DBH: variants seen among roughly 807,000 people sequenced by gnomAD.
DBH encodes dopamine beta-hydroxylase, also known as dopamine beta-hydroxylase (dopamine beta-monooxygenase).
In DBH, 49 loss-of-function variants were observed where a neutral mutation model predicts 64.0. The observed-to-expected ratio is 0.77, with a 90% confidence interval of 0.61 to 0.97. The LOEUF (loss-of-function observed/expected upper bound fraction) is 0.97. DBH is among the 50% of genes least tolerant of loss of function. DBH has a pLI of 0.00. For missense variants in DBH, 828 were observed against 826.6 expected (o/e 1.00, Z -0.02); for synonymous variants, 343 against 347.1 (o/e 0.99, Z 0.13).
At chr9:133,637,166 T>A (rs1221667197) in intron 1 of DBH, among the ~76,000 whole-genome samples, 1 of 152,204 alleles carries the variant, frequency 6.6e-6, no homozygotes, top group African/African-American at 2.4e-5. Flanking sequence ...TGCACACCCA[T>A]GGGATCCAGC....
chr9:133,644,769 G>T (rs1416527476), intron 5 of DBH, among the ~76,000 whole-genome samples: 1 of 152,174 alleles, frequency 6.6e-6, no homozygotes, highest in Non-Finnish European at 1.5e-5. Context: ...GTGCAGGGAC[G>T]GGAAGGGGAG....
At chr9:133,654,484 G>T (rs565842000) in intron 9 of DBH, 1 of 152,352 alleles carries the variant, frequency 6.6e-6, no homozygotes, top group East Asian at 1.9e-4. Context: ...TTGACCCAGG[G>T]TCTTGTGCCT....
rs1611126 is a variant in DBH at position 133,644,326 on chromosome 9, C to T, written c.1024+6C>T. 99 of 1,610,260 alleles carry T rather than the reference C, an allele frequency of 6.1e-5. No individual in the cohort carries two copies. In the Admixed American group the frequency reaches 7.5e-4, roughly 12 times the overall value. On this transcript the variant is annotated splice_donor_region_variant and intron_variant, in intron 5 of 11. Transcript: ENST00000393056. ...CAACCCACTGGTGATAGAAGGTAGG[C>T]GGCTCTGCTGCCATCCTCCTCAGAA...
In DBH at chr9:133,639,226, CAAAAA is replaced by C. The variant is rs60989647; in HGVS notation, c.340-605_340-601del. ...TAGGCAACATAGCGAGACCCTATCTCAAAAAAAAAAAAAAAAAAATCCAAAATTAC... is the reference window on the plus strand; with the variant it reads ...TAGGCAACATAGCGAGACCCTATCTCAAAAAAAAAAAAAATCCAAAATTAC... On this transcript the variant is annotated intron_variant, in intron 1 of 11. Coordinates refer to ENST00000393056, the MANE Select transcript of DBH (RefSeq NM_000787.4). Among the ~76,000 whole-genome samples, 1,311 of 132,038 alleles carry C rather than the reference CAAAAA, an allele frequency of 9.9e-3. 28 individuals carry two copies. Among genetic ancestry groups the C allele is most frequent in the African/African-American group, 0.034 (1,229 of 36,418 alleles). The allele number at this position is 132,038 out of a possible 152,430, so 86.6% of individuals were successfully genotyped here. A position where few individuals can be genotyped will look rare whatever the true frequency, so the allele number is the denominator to read the frequency against.
chr9:133,641,722 G>T (rs1234362790), intron 2 of DBH, among the ~76,000 whole-genome samples: 1 of 152,186 alleles, frequency 6.6e-6, no homozygotes, highest in Non-Finnish European at 1.5e-5. Flanking sequence ...CTGCCAAGCT[G>T]GTGGTGACTA....
Position 133,643,867 on chromosome 9 carries a change from T to C in DBH, c.921+278T>C, listed in dbSNP as rs916224778. 5.3e-5 allele frequency among the ~76,000 whole-genome samples: 8 copies of C among 152,154 alleles called. No individual in the cohort carries two copies. The highest frequency in any genetic ancestry group is 1.9e-4 in the African/African-American group (8 of 41,422). On this transcript the variant is annotated intron_variant, in intron 4 of 11. Coordinates refer to ENST00000393056, the MANE Select transcript of DBH (RefSeq NM_000787.4). The surrounding 1 kb of genome is among the most constrained non-coding windows in gnomAD (Gnocchi z 5.3). ...CTGTTTCCCAACTGGAGTCAGGGTT[T>C]TGTGTACAGGTGGTCCCAGGGCTGG... is the stretch of plus-strand genomic sequence containing the variant.
chr9:133,643,658 C>A lies in DBH; in HGVS notation c.921+69C>A. 6.4e-7 allele frequency: 1 copy of A among 1,563,752 alleles called. No homozygotes were observed. The highest frequency in any genetic ancestry group is 8.7e-7 in the Non-Finnish European group (1 of 1,143,746). ...CCTGGCATCCCCACACCTCTGTTTCCCCAGCTTCACCGTCTCAGAGGCTTC... is the reference window on the plus strand; with the variant it reads ...CCTGGCATCCCCACACCTCTGTTTCACCAGCTTCACCGTCTCAGAGGCTTC... On this transcript the variant is annotated intron_variant, in intron 4 of 11. Coordinates refer to ENST00000393056, the MANE Select transcript of DBH (RefSeq NM_000787.4). The surrounding 1 kb of genome is among the most constrained non-coding windows in gnomAD (Gnocchi z 5.3).
At chr9:133,651,829 G>A (rs775263228) in intron 7 of DBH, 52 bp downstream of exon 7, 56 of 1,259,168 alleles carry the variant, frequency 4.4e-5, no homozygotes, top group Middle Eastern at 3.1e-4. Flanking sequence ...GCCACCACAC[G>A]ACCTCCTGGG....
At chr9:133,657,284 C>G in intron 11 of DBH, 55 bp downstream of exon 11, 1 of 1,606,358 alleles carries the variant, frequency 6.2e-7, no homozygotes, top group Admixed American at 1.7e-5. Context: ...TCATGGGGGG[C>G]CCCAGTGAGG....
intron 5 of DBH, among the ~76,000 whole-genome samples, chr9:133,646,660 A>AT (rs1832185524): frequency 6.9e-6 from 1 of 144,706 alleles, no homozygotes; most frequent in Non-Finnish European, 1.5e-5. Flanking sequence ...AGTAGCTGGG[A>AT]TTATAGGTGC....
In DBH at chr9:133,651,788, G is replaced by A. The variant is rs556788995; in HGVS notation, c.1335+11G>A. 3.2e-6 allele frequency: 5 copies of A among 1,560,896 alleles called. No individual in the cohort carries two copies. Among genetic ancestry groups the A allele is most frequent in the Middle Eastern group, 4.3e-4 (2 of 4,668 alleles). ...AGCCCTCACTTCCAGGTAGGAACCT[G>A]CACCCCACCCCTGCCCCGCCCCCAC... On this transcript the variant is annotated intron_variant, in intron 7 of 11. Transcript: ENST00000393056.
rs1008836112 is a variant in DBH, at chr9:133,643,777, CT to C, written c.921+196del. On this transcript the variant is annotated intron_variant, in intron 4 of 11. Transcript: ENST00000393056. The surrounding 1 kb of genome is among the most constrained non-coding windows in gnomAD (Gnocchi z 5.3). ...CTGTGATGTCTGAAATGCTTCAAGC[CT>C]TTTTTTTATTTTCCACAGAAACGCA... Among the ~76,000 whole-genome samples, 4 of 152,058 alleles carry C rather than the reference CT, an allele frequency of 2.6e-5. No homozygotes were observed. Among genetic ancestry groups the C allele is most frequent in the African/African-American group, 7.2e-5 (3 of 41,402 alleles).
chr9:133,638,667 G>T (rs573964842), intron 1 of DBH, among the ~76,000 whole-genome samples: 1 of 152,136 alleles, frequency 6.6e-6, no homozygotes, highest in African/African-American at 2.4e-5. Flanking sequence ...GGTGTGGGTC[G>T]GAATGTTAGG....
chr9:133,636,761 C>T (rs1348048030), intron 1 of DBH, 51 bp downstream of exon 1: 1 of 1,533,204 alleles, frequency 6.5e-7, no homozygotes, highest in Non-Finnish European at 8.9e-7. Context: ...ACCCGGCACC[C>T]CATCTGGCCG....
chr9:133,652,073 C>T (rs1391409265), intron 7 of DBH, among the ~76,000 whole-genome samples, 173 bp from the exon 8 acceptor site: 4 of 152,156 alleles, frequency 2.6e-5, no homozygotes, highest in African/African-American at 9.7e-5. Context: ...AATCTAATGC[C>T]CTCCCTGGCC....
intron 9 of DBH, chr9:133,654,898 G>A (rs1466532890): frequency 6.6e-6 from 1 of 152,342 alleles, no homozygotes; most frequent in African/African-American, 2.4e-5. Flanking sequence ...AGCACCCCAG[G>A]CAAGTCCCCA....
At position 133,642,435 on chromosome 9, in the gene DBH, A is replaced by T. The variant is rs766640976; in HGVS notation, c.715A>T (p.Lys239Ter). ...CTGGTGCTACATTAAGGAGCTTCCA[A>T]AGGGCTTCTCTCGGCACCACATTAT... The part of the protein sequence containing the change: ...TYWCYIKELP[K>*]GFSRHHIIKY... Residue 239 changes from lysine to a stop codon, truncating the protein, a stop_gained, in exon 3 of 12, where the codon AAG (lysine) becomes TAG (stop). Transcript: ENST00000393056. LOFTEE classifies it high-confidence loss of function. 2 of 1,612,826 alleles carry T rather than the reference A, an allele frequency of 1.2e-6. No homozygotes were observed. Among genetic ancestry groups the T allele is most frequent in the Admixed American group, 3.3e-5 (2 of 59,802 alleles).
chr9:133,637,787 C>A (rs762340278), intron 1 of DBH, among the ~76,000 whole-genome samples: 4 of 152,200 alleles, frequency 2.6e-5, no homozygotes, highest in African/African-American at 7.2e-5. Context: ...GAGGCACTTG[C>A]CTGTGTCGCT....
rs773787744 is a variant in DBH at position 133,658,299 on chromosome 9, T to C, written c.1723-17T>C. On this transcript the variant is annotated splice_polypyrimidine_tract_variant and intron_variant, in intron 11 of 11. Transcript: ENST00000393056. ...GCCCCTCCAGCCTCAGTTTACCTCC[T>C]GCCCCCTTCCTTGCAGGGTGAATGG... 1 of 1,613,712 alleles carries C rather than the reference T, an allele frequency of 6.2e-7. No individual in the cohort carries two copies.
Sources: allele counts gnomAD v4.1 joint callset (sites outside exome capture counted in the v4.1 genomes callset), GRCh38; gene constraint gnomAD v4.1.1; non-coding constraint Gnocchi (gnomAD v3.1); transcripts MANE v1.5; gene names NCBI Gene and HGNC (gene_info 2026-07-23, HGNC 2026-07-21).